Variants in EXD1 observed in about 807,000 individuals in gnomAD.
The protein encoded by EXD1 is piRNA biogenesis protein EXD1.
A neutral mutation model predicts 49.1 loss-of-function variants in EXD1; 63 were observed. The observed-to-expected ratio is 1.28, with a 90% CI of 1.05 to 1.58. The LOEUF (loss-of-function observed/expected upper bound fraction) is 1.58. Ranked by LOEUF, EXD1 falls within the 40% of genes most tolerant of loss-of-function variation. The probability of loss-of-function intolerance (pLI) is 0.00; values close to 1 mark genes in which losing one functional copy is unlikely to be tolerated. For synonymous variants in EXD1, 234 were observed against 239.2 expected (o/e 0.98, Z 0.20); for missense variants, 748 against 666.0 (o/e 1.12, Z -1.36).
intron 3 of EXD1, chr15:41,219,579 G>A (rs1484562522): frequency 2.7e-6 from 1 of 364,762 alleles, no homozygotes; most frequent in African/African-American, 2.1e-5. Flanking sequence ...ATCCCTTCCT[G>A]TTCACATTCC....
At chr15:41,184,629 T>C in intron 11 of EXD1, 36 bp from the exon 12 acceptor site, 1 of 1,525,648 alleles carries the variant, frequency 6.6e-7, no homozygotes, top group Middle Eastern at 1.8e-4. Context: ...TTATTATAAC[T>C]AAACTTCTGA....
At chr15:41,202,148 TTA>T (rs112190852) in intron 7 of EXD1, among the ~76,000 whole-genome samples, 31,223 of 134,822 alleles carry the variant, frequency 0.23, 3,987 homozygotes, top group African/African-American at 0.45. Flanking sequence ...AGAACTTTCA[TTA>T]TATATATATA....
rs1244781146 is a variant in EXD1 at position 41,191,526 on chromosome 15, A to G, written c.780T>C (p.Thr260=). ...ETGGYLPNCI[T]TLQESLIKHL... is the part of the protein sequence containing the mutation. ...GTTTGATTAAACTCTCCTGCAAAGTAGTGATGCAGTTTGGAAGATAGCCAC... is the reference window on the plus strand; with the variant it reads ...GTTTGATTAAACTCTCCTGCAAAGTGGTGATGCAGTTTGGAAGATAGCCAC... The change falls in exon 10 of 12, where the codon ACT becomes ACC. Residue 260 remains threonine (T), a synonymous_variant. Transcript: ENST00000458580. The G allele has an allele frequency of 6.2e-7, 1 of 1,613,922 alleles. No homozygotes were observed. Among genetic ancestry groups the G allele is most frequent in the Non-Finnish European group, 8.5e-7 (1 of 1,179,804 alleles).
At chr15:41,226,332 C>T (rs2047164383) in intron 2 of EXD1, 111 bp downstream of exon 2, 10 of 1,033,100 alleles carry the variant, frequency 9.7e-6, no homozygotes, top group Non-Finnish European at 7.0e-6. Flanking sequence ...CTTCCTCCCA[C>T]ACTTTACCTA....
chr15:41,195,881 T>C lies in EXD1; in HGVS notation c.640-26A>G, dbSNP rs761874546. 1.9e-6 allele frequency: 3 copies of C among 1,610,978 alleles called. No homozygotes were observed. In the East Asian group the frequency reaches 6.7e-5, roughly 36 times the overall value. On this transcript the variant is annotated intron_variant, in intron 8 of 11. Transcript: ENST00000458580. ...CTAAGGAATCAGAAGGAAACAGTCA[T>C]TAGAACCTGGCTGCTAATCTTAATA...
chr15:41,208,024 A>C (rs961960703), intron 7 of EXD1, among the ~76,000 whole-genome samples: 48 of 151,798 alleles, frequency 3.2e-4, no homozygotes, highest in African/African-American at 1.2e-3. Context: ...AAAAAAAAAA[A>C]AGAAAGAGAG....
At chr15:41,211,686 G>A (rs1462231233) in intron 6 of EXD1, among the ~76,000 whole-genome samples, 6 of 151,300 alleles carry the variant, frequency 4.0e-5, no homozygotes, top group African/African-American at 1.5e-4. Flanking sequence ...AAGGCTGGGC[G>A]CAGTGGCTCA....
rs369538085 is a variant in EXD1 at position 41,211,319 on chromosome 15, C to T, written c.448-1732G>A. On this transcript the variant is annotated intron_variant, in intron 6 of 11. Coordinates refer to ENST00000458580, the MANE Select transcript of EXD1 (RefSeq NM_001286441.2). ...GTAGGGGTGGGTTTGCCTTGTTGCC[C>T]AGGCTGGTCTGTAACTCCTGGGCTC... is the stretch of plus-strand genomic sequence containing the variant. Among the ~76,000 whole-genome samples, 35 of 151,876 alleles carry T rather than the reference C, an allele frequency of 2.3e-4. No individual in the cohort carries two copies. The East Asian group carries it at 2.7e-3, about 12-fold the overall frequency.
chr15:41,214,319 T>C (rs1056481096), intron 6 of EXD1, among the ~76,000 whole-genome samples: 1 of 152,014 alleles, frequency 6.6e-6, no homozygotes, highest in Non-Finnish European at 1.5e-5. Context: ...GAGACCAGCC[T>C]GGCCAACATG....
intron 9 of EXD1, among the ~76,000 whole-genome samples, chr15:41,192,592 GCATTTTTTTTTT>G (rs2046539582): frequency 3.5e-5 from 3 of 86,148 alleles, no homozygotes; most frequent in Admixed American, 1.4e-4. Flanking sequence ...ACTGCGCCAG[GCATTTTTTTTTT>G]TTTTTTTTTT....
Position 41,190,002 on chromosome 15 carries a change from TG to T in EXD1, c.990del (p.Thr331ProfsTer7). 1 of 1,613,698 alleles carries T rather than the reference TG, an allele frequency of 6.2e-7. No individual in the cohort carries two copies. Among genetic ancestry groups the T allele is most frequent in the African/African-American group, 1.3e-5 (1 of 74,886 alleles). Reference protein sequence around the residue: ...ALLDEMMSDLTTLVDGYLNTY... With the variant: ...ALLDEMMSDLXTLVDGYLNTY... Reference sequence around the variant, plus strand: ...GTGTTTAGGTAACCATCCACCAGGGTGGTTAGGTCAGACATCATCTCATCTA... The same window carrying T: ...GTGTTTAGGTAACCATCCACCAGGGTGTTAGGTCAGACATCATCTCATCTA... On this transcript the variant is annotated frameshift_variant, in exon 11 of 12. Coordinates refer to ENST00000458580, the MANE Select transcript of EXD1 (RefSeq NM_001286441.2). LOFTEE classifies it high-confidence loss of function.
chr15:41,203,206 A>G (rs691098), intron 7 of EXD1, among the ~76,000 whole-genome samples: 148,484 of 152,226 alleles, frequency 0.98, 72,519 homozygotes, highest in East Asian at 1. Flanking sequence ...AGCTGGAAAC[A>G]GGGGAATGGG....
chr15:41,191,409 A>C (rs769416031), intron 10 of EXD1, 33 bp downstream of exon 10: 17 of 1,561,762 alleles, frequency 1.1e-5, no homozygotes, highest in Non-Finnish European at 2.6e-6. Context: ...CTTGAAAAAA[A>C]ATAATGTCAT....
intron 11 of EXD1, among the ~76,000 whole-genome samples, chr15:41,187,156 T>C: frequency 6.7e-6 from 1 of 150,192 alleles, no homozygotes; most frequent in Non-Finnish European, 1.5e-5. Flanking sequence ...AGTGCTGGGA[T>C]TACAGGTGTG....
chr15:41,190,016 A>G lies in EXD1; in HGVS notation c.977T>C (p.Met326Thr), dbSNP rs1287158403. The change falls in exon 11 of 12, where the codon ATG becomes ACG. Residue 326 changes from methionine (M) to threonine (T), a missense_variant. Coordinates refer to ENST00000458580, the MANE Select transcript of EXD1 (RefSeq NM_001286441.2). ...ATCCACCAGGGTGGTTAGGTCAGAC[A>G]TCATCTCATCTAGGAGTGCCAAGCG... ...PLRLALLDEMMSDLTTLVDGY... is the reference protein window; with the variant it reads ...PLRLALLDEMTSDLTTLVDGY... The G allele has an allele frequency of 6.2e-7, 1 of 1,614,148 alleles. No individual in the cohort carries two copies. The highest frequency in any genetic ancestry group is 8.5e-7 in the Non-Finnish European group (1 of 1,180,026).
chr15:41,226,750 T>A, intron 1 of EXD1, 122 bp from the exon 2 acceptor site: 1 of 802,210 alleles, frequency 1.2e-6, no homozygotes, highest in Non-Finnish European at 1.8e-6. Context: ...TTTGTTCATC[T>A]TTTTGGAATG....
rs34195951 is a variant in EXD1, at chr15:41,206,474, GAAAA to G, written c.534+3023_534+3026del. Among the ~76,000 whole-genome samples the G allele has an allele frequency of 5.4e-3, 469 of 87,178 alleles. 1 individual carries two copies. The highest frequency in any genetic ancestry group is 0.015 in the African/African-American group (426 of 28,530). The allele number at this position is 87,178 out of a possible 152,430, so 57.2% of individuals were successfully genotyped here. On this transcript the variant is annotated intron_variant, in intron 7 of 11. Coordinates refer to ENST00000458580, the MANE Select transcript of EXD1 (RefSeq NM_001286441.2). ...CTGGGCAACAGAGAGACCCTGTCTC[GAAAA>G]AAAAAAAAAAAAAAAGAAACAGGAA... is the stretch of plus-strand genomic sequence containing the variant.
At position 41,203,949 on chromosome 15, in the gene EXD1, A is replaced by G. The variant is rs563036541; in HGVS notation, c.534+5552T>C. 1.4e-4 allele frequency among the ~76,000 whole-genome samples: 18 copies of G among 131,692 alleles called. 1 individual carries two copies. The South Asian group carries it at 4.2e-3, about 30-fold the overall frequency. 86.4% of individuals were successfully genotyped at this position (131,692 alleles called of 152,430 possible). A position where few individuals can be genotyped will look rare whatever the true frequency, so the allele number is the denominator to read the frequency against. ...AAAAAAAAAAAAAAAAAAAAACCCT[A>G]AAAATATTACTCTAGGCCAGGTGCG... On this transcript the variant is annotated intron_variant, in intron 7 of 11. Transcript: ENST00000458580.
chr15:41,213,821 C>T (rs2046958449), intron 6 of EXD1, among the ~76,000 whole-genome samples: 1 of 152,118 alleles, frequency 6.6e-6, no homozygotes, highest in Non-Finnish European at 1.5e-5. Context: ...TGTTGCTTTA[C>T]TTACAACTCT....
Sources: allele counts gnomAD v4.1 joint callset (sites outside exome capture counted in the v4.1 genomes callset), GRCh38; gene constraint gnomAD v4.1.1; transcripts MANE v1.5; gene names NCBI Gene and HGNC (gene_info 2026-07-23, HGNC 2026-07-21).